SPTBN1: variants seen among roughly 807,000 people sequenced by gnomAD.
SPTBN1 encodes spectrin beta, non-erythrocytic 1, also known as spectrin beta chain, non-erythrocytic 1.
In SPTBN1, 32 loss-of-function variants were observed where a neutral mutation model predicts 266.4. That is an observed-to-expected ratio of 0.12 (90% CI 0.09 to 0.16). The LOEUF (loss-of-function observed/expected upper bound fraction) is 0.16. SPTBN1 is among the 10% of genes least tolerant of loss of function. The probability of loss-of-function intolerance (pLI) is 1.00; values close to 1 mark genes in which losing one functional copy is unlikely to be tolerated. For synonymous variants in SPTBN1, 1,336 were observed against 1,162.2 expected, an observed-to-expected ratio of 1.15 and a Z score of -3.04; for missense variants, 2,296 against 3,067.1, an observed-to-expected ratio of 0.75 and a Z score of 5.94.
rs1054297810 is a variant in SPTBN1, at chr2:54,628,650, T to A, written c.1799-283T>A. 6.6e-6 allele frequency among the ~76,000 whole-genome samples: 1 copy of A among 152,214 alleles called. No homozygotes were observed. Among genetic ancestry groups the A allele is most frequent in the Admixed American group, 6.5e-5 (1 of 15,292 alleles). ...CTTCGTGTATTTCTAGAAACAATTA[T>A]ATGCAGCTGCCTTTTTCATATGATT... On this transcript the variant is annotated intron_variant, in intron 13 of 35. Coordinates refer to ENST00000356805, the MANE Select transcript of SPTBN1 (RefSeq NM_003128.3). This position sits in a 1 kb window ranked among gnomAD's most constrained non-coding sequence, Gnocchi z 4.3.
intron 1 of SPTBN1, among the ~76,000 whole-genome samples, chr2:54,471,781 G>A (rs1573216699): frequency 9.1e-6 from 1 of 109,362 alleles, no homozygotes; most frequent in Non-Finnish European, 2.0e-5. Context: ...ACCAAGAGGT[G>A]CTTTCCTCTT....
chr2:54,528,699 TA>T (rs10591541), intron 2 of SPTBN1: 95,390 of 142,464 alleles, frequency 0.67, 31,597 homozygotes, highest in African/African-American at 0.82. Flanking sequence ...TTCAGTAAAG[TA>T]AAAAAAAAAA....
chr2:54,625,553 G>A (rs1678264860), intron 11 of SPTBN1, among the ~76,000 whole-genome samples: 1 of 150,974 alleles, frequency 6.6e-6, no homozygotes, highest in Non-Finnish European at 1.5e-5. Context: ...TTCCTTTTTT[G>A]GAGGGGGGGT....
chr2:54,486,343 G>T (rs1357954732), intron 1 of SPTBN1, among the ~76,000 whole-genome samples: 7 of 152,076 alleles, frequency 4.6e-5, no homozygotes, highest in African/African-American at 1.4e-4. Flanking sequence ...GAAAGAAGTA[G>T]ACATGGGAGA....
rs200136972 is a variant in SPTBN1 at position 54,612,196 on chromosome 2, C to T, written c.336C>T (p.Cys112=). The change falls in exon 4 of 36, where the codon TGC becomes TGT. Residue 112 remains cysteine (C), a synonymous_variant. Coordinates refer to ENST00000356805, the MANE Select transcript of SPTBN1 (RefSeq NM_003128.3). ...CCAAGGGACGAATGCGCATCCACTG[C>T]TTAGAGAATGTGGACAAGGCCCTTC... ...KPTKGRMRIH[C]LENVDKALQF... is the part of the protein sequence containing the mutation. 120 of 1,612,718 alleles carry T rather than the reference C, an allele frequency of 7.4e-5. No homozygotes were observed. The East Asian group carries it at 2.2e-3, about 30-fold the overall frequency.
chr2:54,587,448 A>G (rs564493180), intron 2 of SPTBN1, among the ~76,000 whole-genome samples: 1 of 152,220 alleles, frequency 6.6e-6, no homozygotes, highest in Non-Finnish European at 1.5e-5. Context: ...ACGTTCTGCC[A>G]TTCTGTGTTA....
chr2:54,536,416 G>A (rs185363390), intron 2 of SPTBN1, among the ~76,000 whole-genome samples: 96 of 152,262 alleles, frequency 6.3e-4, no homozygotes, highest in African/African-American at 2.2e-3. Flanking sequence ...TTCTAATTAG[G>A]AGAGAAAATT....
intron 1 of SPTBN1, among the ~76,000 whole-genome samples, chr2:54,517,623 C>A (rs1298588336): frequency 6.7e-6 from 1 of 150,152 alleles, no homozygotes; most frequent in East Asian, 1.9e-4. Flanking sequence ...TTTGGCTGAA[C>A]TGTATACAGC....
chr2:54,471,289 T>C (rs1207833964), intron 1 of SPTBN1, among the ~76,000 whole-genome samples: 1 of 152,216 alleles, frequency 6.6e-6, no homozygotes, highest in Non-Finnish European at 1.5e-5. Context: ...TTACCATCTT[T>C]AGTTGATCTT....
At chr2:54,478,465 T>A (rs1667950240) in intron 1 of SPTBN1, among the ~76,000 whole-genome samples, 1 of 152,052 alleles carries the variant, frequency 6.6e-6, no homozygotes, top group African/African-American at 2.4e-5. Context: ...GTCAGAAAGA[T>A]TGTAGAGGAT....
In SPTBN1 at chr2:54,644,382, C is replaced by A. The variant is rs2271323; in HGVS notation, c.4065C>A (p.Leu1355=). 4 of 1,614,034 alleles carry A rather than the reference C, an allele frequency of 2.5e-6. No individual in the cohort carries two copies. The highest frequency in any genetic ancestry group is 1.7e-5 in the Admixed American group (1 of 60,004). The stretch of plus-strand genomic sequence containing the variant: ...CGGAAGCTGTGGTGAAGGAGAAACT[C>A]ACTGGTTTACATAAAATGTGGGAAG... ...PETEAVVKEK[L]TGLHKMWEVL... is the part of the protein sequence containing the mutation. Residue 1355 remains leucine (L), a synonymous_variant, in exon 20 of 36, where the codon CTC becomes CTA. Coordinates refer to ENST00000356805, the MANE Select transcript of SPTBN1 (RefSeq NM_003128.3).
At chr2:54,603,615 A>G (rs1011895164) in intron 3 of SPTBN1, among the ~76,000 whole-genome samples, 3 of 152,202 alleles carry the variant, frequency 2.0e-5, no homozygotes, top group Non-Finnish European at 4.4e-5. Context: ...ACAGTGTGGT[A>G]TTCCCCGATT....
chr2:54,648,051 A>G (rs1170824367), intron 24 of SPTBN1, among the ~76,000 whole-genome samples: 1 of 152,240 alleles, frequency 6.6e-6, no homozygotes, highest in Non-Finnish European at 1.5e-5. Context: ...CTTCGATATC[A>G]AGTGATTAGA....
rs1411626664 is a variant in SPTBN1, at chr2:54,667,598, T to C, written c.6834-6T>C. On this transcript the variant is annotated splice_region_variant and splice_polypyrimidine_tract_variant and intron_variant, in intron 34 of 35. Coordinates refer to ENST00000356805, the MANE Select transcript of SPTBN1 (RefSeq NM_003128.3). ...TGGTGACTAACTTTCTTCCTTGAAA[T>C]TACAGACTAAATGATGGCAATGAGT... The C allele has an allele frequency of 1.2e-6, 2 of 1,613,654 alleles. No homozygotes were observed. Among genetic ancestry groups the C allele is most frequent in the South Asian group, 1.1e-5 (1 of 91,080 alleles).
chr2:54,479,092 C>G (rs953176265), intron 1 of SPTBN1, among the ~76,000 whole-genome samples: 8 of 152,178 alleles, frequency 5.3e-5, no homozygotes, highest in Admixed American at 5.2e-4. Flanking sequence ...AGAAAAAGAT[C>G]TGGTTAAATA....
At position 54,533,324 on chromosome 2, in the gene SPTBN1, A is replaced by G. The variant is rs565581641; in HGVS notation, c.148+6758A>G. 1.3e-5 allele frequency among the ~76,000 whole-genome samples: 2 copies of G among 151,592 alleles called. No individual in the cohort carries two copies. The highest frequency in any genetic ancestry group is 4.9e-5 in the African/African-American group (2 of 41,234). On this transcript the variant is annotated intron_variant, in intron 2 of 35. Transcript: ENST00000356805. This position sits in a 1 kb window ranked among gnomAD's most constrained non-coding sequence, Gnocchi z 4.2. ...GACTGAAGGTAACTGAACCATGGAA[A>G]GTGAAACCCAGGCTAAAGGGGACTA...
chr2:54,503,996 C>T (rs756972710), intron 1 of SPTBN1, among the ~76,000 whole-genome samples: 6 of 152,220 alleles, frequency 3.9e-5, no homozygotes, highest in Admixed American at 2.6e-4. Flanking sequence ...AACTACTCTT[C>T]TGAGTATCCC....
At chr2:54,630,627 ACATT>A (rs1398000022) in intron 15 of SPTBN1, among the ~76,000 whole-genome samples, 37 of 152,244 alleles carry the variant, frequency 2.4e-4, no homozygotes. Flanking sequence ...GCTCTGTAAC[ACATT>A]CCTCTTCGTG....
intron 24 of SPTBN1, among the ~76,000 whole-genome samples, chr2:54,648,313 A>G (rs2104088835): frequency 6.6e-6 from 1 of 152,318 alleles, no homozygotes; most frequent in Non-Finnish European, 1.5e-5. Context: ...GATAGGCACC[A>G]ACATGTCCTT....
Sources: gnomAD v4.1 joint callset for allele counts (sites outside exome capture counted in the v4.1 genomes callset) on GRCh38, gnomAD v4.1.1 for gene constraint, Gnocchi (gnomAD v3.1) non-coding constraint, MANE v1.5 for transcripts, NCBI Gene and HGNC (gene_info 2026-07-23, HGNC 2026-07-21) for gene names.